STS: variants seen among roughly 807,000 people sequenced by gnomAD.
STS encodes steryl-sulfatase.
Under a neutral mutation model 26.8 loss-of-function variants are expected in STS, and 7 were observed. That is an observed-to-expected ratio of 0.26 (90% CI 0.15 to 0.49). The LOEUF (loss-of-function observed/expected upper bound fraction) is 0.49. Among genes scored for constraint, STS ranks in the 20% least tolerant of loss-of-function variants. STS has a pLI of 0.98. For missense variants in STS, 434 were observed against 465.6 expected (o/e 0.93, Z 0.63); for synonymous variants, 199 against 189.4 (o/e 1.05, Z -0.42).
chrX:7,276,413 C>T (rs1601706668), intron 7 of STS, among the ~76,000 whole-genome samples: 1 of 110,604 alleles, frequency 9.0e-6, no homozygotes, highest in Non-Finnish European at 1.9e-5. Context: ...TGAGGCTGCA[C>T]TGAGCTATGA....
rs774881206 is a variant in STS at position 7,250,260 on chromosome X, A to G, written c.-4-2936A>G. ...CTGAGTCTTTGTTTCTCCATCTGAC[A>G]ATAAGAGAATTGGGATACATGATTT... On this transcript the variant is annotated intron_variant, in intron 2 of 10. Coordinates refer to ENST00000674429, the MANE Select transcript of STS (RefSeq NM_001320752.2). Among the ~76,000 whole-genome samples the G allele has an allele frequency of 5.4e-5, 6 of 110,742 alleles. 1 individual carries two copies. The South Asian group carries it at 2.3e-3, about 43-fold the overall frequency.
At chrX:7,185,156 T>G (rs2147010112) in intron 1 of STS, among the ~76,000 whole-genome samples, 1 of 111,956 alleles carries the variant, frequency 8.9e-6, no homozygotes, top group South Asian at 3.8e-4. Context: ...CTTCTCCCAT[T>G]GCCGTCTGTC....
At chrX:7,315,334 A>T (rs979368881) in intron 8 of STS, among the ~76,000 whole-genome samples, 1 of 112,091 alleles carries the variant, frequency 8.9e-6, no homozygotes, top group Non-Finnish European at 1.9e-5. Context: ...AAGTTGAAAA[A>T]TAATATGTGA....
intron 2 of STS, among the ~76,000 whole-genome samples, chrX:7,252,056 C>G (rs190285334): frequency 1.8e-5 from 2 of 111,157 alleles, no homozygotes; most frequent in Admixed American, 9.6e-5. Flanking sequence ...ATTCAGAGAA[C>G]TGATATGATT....
At chrX:7,180,398 G>A (rs1217806618) in intron 1 of STS, among the ~76,000 whole-genome samples, 2 of 111,584 alleles carry the variant, frequency 1.8e-5, no homozygotes, top group African/African-American at 3.3e-5. Context: ...ATGCAGCCAC[G>A]GATCTGACAG....
chrX:7,160,060 T>TA lies in STS; in HGVS notation c.-134+11978dup, dbSNP rs757749218. ...GAAAGCCTTGTAAGAACTGGTGAGT[T>TA]ACATTTTTAATATGATTATTATTTT... is the stretch of plus-strand genomic sequence containing the variant. On this transcript the variant is annotated intron_variant, in intron 1 of 10. Coordinates refer to ENST00000674429, the MANE Select transcript of STS (RefSeq NM_001320752.2). Among the ~76,000 whole-genome samples, 3 of 112,182 alleles carry TA rather than the reference T, an allele frequency of 2.7e-5. No individual in the cohort carries two copies. The East Asian group carries it at 8.4e-4, about 31-fold the overall frequency.
chrX:7,312,447 G>A (rs1169443998), intron 8 of STS, among the ~76,000 whole-genome samples: 4 of 111,563 alleles, frequency 3.6e-5, no homozygotes, highest in African/African-American at 1.3e-4. Context: ...CCATGGAGTA[G>A]GCATTCAATA....
intron 7 of STS, among the ~76,000 whole-genome samples, chrX:7,293,938 AAAGT>A (rs751354129): frequency 1.9e-4 from 21 of 111,421 alleles, no homozygotes; most frequent in African/African-American, 6.5e-4. Context: ...CCTGGGCAAC[AAAGT>A]AAGACCCCAT....
chrX:7,242,131 C>T (rs1922649549), intron 2 of STS, among the ~76,000 whole-genome samples: 1 of 110,902 alleles, frequency 9.0e-6, no homozygotes, highest in Non-Finnish European at 1.9e-5. Flanking sequence ...AAGTAAATCA[C>T]TAGGTCCAGC....
At chrX:7,334,897 T>G (rs1300159543) in intron 10 of STS, among the ~76,000 whole-genome samples, 3 of 112,512 alleles carry the variant, frequency 2.7e-5, no homozygotes, top group African/African-American at 9.7e-5. Flanking sequence ...GCATTTCCAA[T>G]TAGCATACAG....
chrX:7,204,601 TTC>T (rs1178594623), intron 2 of STS, among the ~76,000 whole-genome samples: 1 of 99,514 alleles, frequency 1.0e-5, no homozygotes, highest in Non-Finnish European at 2.0e-5. Flanking sequence ...TCTCTCCATC[TTC>T]TTTCTTCCTT....
intron 1 of STS, among the ~76,000 whole-genome samples, chrX:7,154,310 C>T (rs148854049): frequency 0.01 from 1,169 of 112,311 alleles, 6 homozygotes; most frequent in Non-Finnish European, 0.015. Context: ...CCTGTCACAT[C>T]TTATGCAAGT....
chrX:7,233,172 C>T (rs1299936757), intron 2 of STS, among the ~76,000 whole-genome samples: 4 of 99,730 alleles, frequency 4.0e-5, no homozygotes, highest in African/African-American at 1.5e-4. Flanking sequence ...TGGCTCACTG[C>T]AACCTCTGCC....
At chrX:7,308,480 T>G (rs1333045235) in intron 8 of STS, among the ~76,000 whole-genome samples, 1 of 111,413 alleles carries the variant, frequency 9.0e-6, no homozygotes, top group East Asian at 2.8e-4. Flanking sequence ...TTTGCACAGA[T>G]AGTTCACCAG....
chrX:7,261,087 A>G (rs969537177), intron 6 of STS, among the ~76,000 whole-genome samples: 9 of 111,654 alleles, frequency 8.1e-5, no homozygotes, highest in Admixed American at 7.6e-4. Flanking sequence ...GGCTATGTCA[A>G]AAACACTTGC....
intron 2 of STS, among the ~76,000 whole-genome samples, chrX:7,216,884 G>T (rs759312073): frequency 8.9e-6 from 1 of 111,816 alleles, no homozygotes; most frequent in African/African-American, 3.3e-5. Context: ...AACACAAGGT[G>T]TGGGAGGATG....
At chrX:7,206,095 G>A (rs761231057) in intron 2 of STS, among the ~76,000 whole-genome samples, 1 of 111,577 alleles carries the variant, frequency 9.0e-6, no homozygotes. Context: ...GCTTTGCTCT[G>A]GGTTTATATT....
intron 1 of STS, among the ~76,000 whole-genome samples, chrX:7,174,656 CTT>C (rs1421135001): frequency 8.9e-6 from 1 of 111,839 alleles, no homozygotes; most frequent in African/African-American, 3.2e-5. Context: ...GTGTAAGCCT[CTT>C]TTTGCGTTCT....
chrX:7,349,744 A>G, intron 10 of STS, 144 bp from the exon 11 acceptor site: 1 of 833,345 alleles, frequency 1.2e-6, no homozygotes, highest in Admixed American at 2.4e-5. Flanking sequence ...TCTTTCCTGT[A>G]CATATTAACA....
Sources: allele counts gnomAD v4.1 joint callset (sites outside exome capture counted in the v4.1 genomes callset), GRCh38; gene constraint gnomAD v4.1.1; transcripts MANE v1.5; gene names NCBI Gene and HGNC (gene_info 2026-07-23, HGNC 2026-07-21).